The following POLR1C variants were observed in gnomAD, a reference collection of about 807,000 sequenced individuals.
The protein encoded by POLR1C is RNA polymerase I and III subunit C.
In POLR1C, 42 loss-of-function variants were observed where a neutral mutation model predicts 38.3. The ratio of observed to expected loss-of-function variants is 1.10; its 90% CI spans 0.86 to 1.42. The LOEUF (loss-of-function observed/expected upper bound fraction) is 1.42, where lower values mean the gene tolerates loss of function less well. Among genes scored for constraint, POLR1C ranks in the 40% most tolerant of loss-of-function variants. POLR1C has a pLI of 0.00. For missense variants in POLR1C, 507 were observed against 450.5 expected (o/e 1.13, Z -1.14); for synonymous variants, 163 against 163.9 (o/e 0.99, Z 0.04).
In POLR1C at chr6:43,526,651, G is replaced by A. The variant is rs1000217703; in HGVS notation, c.923-2598G>A. 13 of 1,612,108 alleles carry A rather than the reference G, an allele frequency of 8.1e-6. No individual in the cohort carries two copies. The Admixed American group carries it at 1.5e-4, about 19-fold the overall frequency. On this transcript the variant is annotated intron_variant, in intron 8 of 8. Coordinates refer to the POLR1C transcript ENST00000304004. The stretch of plus-strand genomic sequence containing the variant: ...GAAGGAACAGTATTTAGGAGGCTAA[G>A]AGCAGAACTCCAAGGTCTCACAGGC...
chr6:43,547,271 A>C, intron 9 of POLR1C: 1 of 398,080 alleles, frequency 2.5e-6, no homozygotes, highest in Non-Finnish European at 4.7e-6. Flanking sequence ...TTAAGCCATC[A>C]CTTAAGACTT....
chr6:43,560,311 G>GAA (rs771450577), intron 10 of POLR1C: 13 of 1,417,662 alleles, frequency 9.2e-6, no homozygotes, highest in Admixed American at 2.3e-5. Context: ...AAACTAAAGA[G>GAA]AAAAAAAAAA....
intron 9 of POLR1C, among the ~76,000 whole-genome samples, chr6:43,538,579 G>A (rs2127717933): frequency 6.6e-6 from 1 of 152,224 alleles, no homozygotes; most frequent in Non-Finnish European, 1.5e-5. Context: ...AGTATTTTGA[G>A]ATATAACAAT....
At chr6:43,541,708 G>A (rs1308604760) in intron 9 of POLR1C, among the ~76,000 whole-genome samples, 1 of 152,192 alleles carries the variant, frequency 6.6e-6, no homozygotes, top group Non-Finnish European at 1.5e-5. Flanking sequence ...TTAGCATAAT[G>A]TTTTGAAGGT....
At chr6:43,548,532 G>T in intron 9 of POLR1C, 1 of 1,329,592 alleles carries the variant, frequency 7.5e-7, no homozygotes, top group East Asian at 2.6e-5. Context: ...CTTACTCAAG[G>T]AAGAAAGAAG....
At chr6:43,556,762 T>C (rs1762111561) in intron 10 of POLR1C, among the ~76,000 whole-genome samples, 1 of 152,122 alleles carries the variant, frequency 6.6e-6, no homozygotes, top group African/African-American at 2.4e-5. Flanking sequence ...AAAATGGAAA[T>C]AACTCAAATG....
At chr6:43,520,211 G>A (rs1160100037) in intron 5 of POLR1C, 26 bp downstream of exon 5, 1 of 1,614,130 alleles carries the variant, frequency 6.2e-7, no homozygotes, top group Admixed American at 1.7e-5. Flanking sequence ...GTGAGGAAGA[G>A]GCCCCACCTG....
At chr6:43,549,578 C>A in intron 9 of POLR1C, 1 of 1,611,928 alleles carries the variant, frequency 6.2e-7, no homozygotes, top group African/African-American at 1.3e-5. Flanking sequence ...GTTCTGGGGG[C>A]CTGAAAAGAG....
At chr6:43,544,920 T>C (rs1380002196) in intron 9 of POLR1C, among the ~76,000 whole-genome samples, 2 of 152,190 alleles carry the variant, frequency 1.3e-5, no homozygotes, top group Non-Finnish European at 2.9e-5. Flanking sequence ...TCGCCCAGGC[T>C]GGAGTGCAGT....
chr6:43,528,908 G>C (rs1561864716), intron 8 of POLR1C: 1 of 1,613,200 alleles, frequency 6.2e-7, no homozygotes, highest in East Asian at 2.2e-5. Flanking sequence ...AAGAGCACCA[G>C]AGGCTTTACA....
At chr6:43,553,332 T>C in intron 10 of POLR1C, 3 of 1,578,430 alleles carry the variant, frequency 1.9e-6, no homozygotes, top group Non-Finnish European at 2.6e-6. Flanking sequence ...AAGAAAAAGG[T>C]CAAAATAATC....
intron 9 of POLR1C, among the ~76,000 whole-genome samples, chr6:43,543,324 A>G (rs2127723415): frequency 1.3e-5 from 2 of 152,228 alleles, no homozygotes; most frequent in South Asian, 4.1e-4. Context: ...ATGGCTGCTC[A>G]TGGCTGTAGT....
At chr6:43,526,694 C>T in intron 8 of POLR1C, 1 of 1,613,974 alleles carries the variant, frequency 6.2e-7, no homozygotes, top group South Asian at 1.1e-5. Context: ...CCGTCTCCAT[C>T]TGCTGGGGGA....
intron 9 of POLR1C, chr6:43,547,674 A>G (rs1795026211): frequency 1.9e-6 from 3 of 1,614,040 alleles, no homozygotes; most frequent in Non-Finnish European, 2.5e-6. Flanking sequence ...CTGTACCCAC[A>G]TACGCAATGA....
At chr6:43,517,470 G>T (rs1792893860) in intron 2 of POLR1C, 93 bp downstream of exon 2, 1 of 1,094,638 alleles carries the variant, frequency 9.1e-7, no homozygotes, top group African/African-American at 1.5e-5. Context: ...GCTCTTGGGG[G>T]TCGCTCCGTT....
At chr6:43,523,538 G>C (rs1035079025), downstream of POLR1C, 1 of 494,640 alleles carries the variant, frequency 2.0e-6, no homozygotes, top group Non-Finnish European at 4.0e-6. Flanking sequence ...TTCTGTACAG[G>C]TATGTGGCTG....
chr6:43,554,478 G>A (rs1303788487), intron 10 of POLR1C, among the ~76,000 whole-genome samples: 2 of 150,314 alleles, frequency 1.3e-5, no homozygotes, highest in Non-Finnish European at 3.0e-5. Flanking sequence ...AGGCTGGAGT[G>A]CAGTGGCACG....
intron 9 of POLR1C, chr6:43,548,487 G>A (rs1795070975): frequency 1.3e-6 from 2 of 1,505,074 alleles, no homozygotes; most frequent in African/African-American, 2.8e-5. Flanking sequence ...AAAAAAGCCA[G>A]AGGTGGTAAA....
chr6:43,555,996 G>A (rs747475251), intron 10 of POLR1C: 3 of 1,611,172 alleles, frequency 1.9e-6, no homozygotes, highest in Non-Finnish European at 2.5e-6. Context: ...GGAAGGACAG[G>A]AATCAATAAC....
Sources: allele counts gnomAD v4.1 joint callset (sites outside exome capture counted in the v4.1 genomes callset), GRCh38; gene constraint gnomAD v4.1.1; transcripts MANE v1.5; gene names NCBI Gene and HGNC (gene_info 2026-07-23, HGNC 2026-07-21).